DEFB125: variants seen among roughly 807,000 people sequenced by gnomAD.
The protein encoded by DEFB125 is beta-defensin 125.
A neutral mutation model predicts 11.8 loss-of-function variants in DEFB125; 11 were observed. The ratio of observed to expected loss-of-function variants is 0.94; its 90% CI spans 0.59 to 1.55. DEFB125 has a LOEUF of 1.55. Among genes scored for constraint, DEFB125 ranks in the 40% most tolerant of loss-of-function variants. DEFB125 has a pLI of 0.00. For missense variants in DEFB125, 198 were observed against 191.2 expected, an observed-to-expected ratio of 1.04 and a Z score of -0.21; for synonymous variants, 79 against 66.7, an observed-to-expected ratio of 1.18 and a Z score of -0.90.
chr20:93,015 G>A (rs2054502291), intron 1 of DEFB125, among the ~76,000 whole-genome samples: 1 of 146,952 alleles, frequency 6.8e-6, no homozygotes, highest in South Asian at 2.2e-4. Flanking sequence ...TTGTTGCCCA[G>A]GCTGGAATGC....
intron 1 of DEFB125, among the ~76,000 whole-genome samples, chr20:90,063 T>C (rs2054490789): frequency 6.6e-6 from 1 of 152,218 alleles, no homozygotes; most frequent in African/African-American, 2.4e-5. Context: ...TATTTTAAGT[T>C]GATGCTAGCT....
chr20:87,700 C>G lies in DEFB125; in HGVS notation c.-10C>G. The G allele has an allele frequency of 1.2e-6, 2 of 1,612,968 alleles. No homozygotes were observed. The highest frequency in any genetic ancestry group is 1.7e-6 in the Non-Finnish European group (2 of 1,179,100). Reference sequence around the variant, plus strand: ...CCTCAGGACACAGAGCTTCCTCTCTCCCAGGAGCCATGAATATCCTGATGC... The same window carrying G: ...CCTCAGGACACAGAGCTTCCTCTCTGCCAGGAGCCATGAATATCCTGATGC... On this transcript the variant is annotated 5_prime_UTR_variant, in exon 1 of 2. Coordinates refer to ENST00000382410, the MANE Select transcript of DEFB125 (RefSeq NM_153325.4).
At chr20:87,795 A>G (rs2054481478) in intron 1 of DEFB125, 28 bp downstream of exon 1, 1 of 1,610,060 alleles carries the variant, frequency 6.2e-7, no homozygotes, top group African/African-American at 1.3e-5. Flanking sequence ...AGCAGAGATG[A>G]TGACTAGGAT....
chr20:90,849 T>A (rs1170385329), intron 1 of DEFB125, among the ~76,000 whole-genome samples: 1 of 152,202 alleles, frequency 6.6e-6, no homozygotes, highest in East Asian at 1.9e-4. Context: ...CAGATACTGG[T>A]GTGACTAATT....
At chr20:89,857 T>C (rs2054490066) in intron 1 of DEFB125, among the ~76,000 whole-genome samples, 1 of 152,136 alleles carries the variant, frequency 6.6e-6, no homozygotes, top group African/African-American at 2.4e-5. Flanking sequence ...TTCTCTTTTA[T>C]TTTGGAGAGG....
intron 1 of DEFB125, among the ~76,000 whole-genome samples, chr20:93,875 T>A (rs562475294): frequency 3.3e-5 from 5 of 152,152 alleles, no homozygotes; most frequent in Non-Finnish European, 5.9e-5. Flanking sequence ...TTGAGCCTCA[T>A]GTAGAATAAC....
intron 1 of DEFB125, among the ~76,000 whole-genome samples, chr20:91,895 T>C (rs2054497416): frequency 1.3e-5 from 2 of 152,132 alleles, no homozygotes; most frequent in African/African-American, 4.8e-5. Flanking sequence ...TTGAAACTTA[T>C]AGAAAATTCC....
At chr20:90,146 T>A (rs954752944) in intron 1 of DEFB125, among the ~76,000 whole-genome samples, 12 of 152,182 alleles carry the variant, frequency 7.9e-5, no homozygotes, top group Admixed American at 6.5e-5. Flanking sequence ...GCTCCCCTAC[T>A]TAGAAACATA....
intron 1 of DEFB125, among the ~76,000 whole-genome samples, chr20:91,670 G>A (rs2054496578): frequency 6.6e-6 from 1 of 152,126 alleles, no homozygotes; most frequent in Admixed American, 6.5e-5. Context: ...TAATTTAAAA[G>A]CAGTAGGAAG....
rs1266131952 is a variant in DEFB125 at position 96,256 on chromosome 20, A to C, written c.310A>C (p.Thr104Pro). The C allele has an allele frequency of 6.2e-7, 1 of 1,614,184 alleles. No individual in the cohort carries two copies. Among genetic ancestry groups the C allele is most frequent in the East Asian group, 2.2e-5 (1 of 44,880 alleles). The change falls in exon 2 of 2, where the codon ACA becomes CCA. Residue 104 changes from threonine to proline, a missense_variant. Thr to Pro is a conservative substitution (Grantham distance 38, BLOSUM62 -1). Transcript: ENST00000382410. ...SMLNDLITFD[T>P]TKFGETMTPE... ...GTTGAATGATCTGATAACATTTGAC[A>C]CAACTAAATTTGGAGAAACCATGAC...
chr20:92,502 C>T (rs2054500062), intron 1 of DEFB125, among the ~76,000 whole-genome samples: 1 of 151,574 alleles, frequency 6.6e-6, no homozygotes, highest in Non-Finnish European at 1.5e-5. Context: ...AAGTGATTCT[C>T]CTGCCTCAGC....
At position 96,121 on chromosome 20, in the gene DEFB125, A is replaced by G. The variant is rs773518041; in HGVS notation, c.175A>G (p.Ile59Val). ...CRNKLSCCIS[I>V]ISHEYTRRPA... ...GAACAAGCTATCATGCTGCATTTCT[A>G]TAATATCACATGAATATACTCGACG... The change falls in exon 2 of 2, where the codon ATA becomes GTA. Residue 59 changes from isoleucine (I) to valine (V), a missense_variant. By Grantham distance (29) the Ile-to-Val change is conservative (BLOSUM62 3). Coordinates refer to ENST00000382410, the MANE Select transcript of DEFB125 (RefSeq NM_153325.4). 1.2e-6 allele frequency: 2 copies of G among 1,614,228 alleles called. No individual in the cohort carries two copies. The highest frequency in any genetic ancestry group is 1.1e-5 in the South Asian group (1 of 91,090).
At chr20:90,465 T>C (rs2054492238) in intron 1 of DEFB125, among the ~76,000 whole-genome samples, 1 of 152,220 alleles carries the variant, frequency 6.6e-6, no homozygotes, top group Non-Finnish European at 1.5e-5. Flanking sequence ...ACTCTGATTC[T>C]AGTCACCATC....
chr20:94,809 T>C (rs2054508889), intron 1 of DEFB125, among the ~76,000 whole-genome samples: 2 of 152,244 alleles, frequency 1.3e-5, no homozygotes, highest in Admixed American at 1.3e-4. Context: ...AGTCTACTTC[T>C]ATGAACTCAA....
rs962676578 is a variant in DEFB125 at position 96,933 on chromosome 20, G to A, written c.*516G>A. 3 of 153,510 alleles carry A rather than the reference G, an allele frequency of 2.0e-5. No individual in the cohort carries two copies. The highest frequency in any genetic ancestry group is 1.9e-4 in the Admixed American group (3 of 15,516). 9.5% of individuals were successfully genotyped at this position (153,510 alleles called of 1,614,324 possible). On this transcript the variant is annotated 3_prime_UTR_variant, in exon 2 of 2. Coordinates refer to ENST00000382410, the MANE Select transcript of DEFB125 (RefSeq NM_153325.4). ...GTTCTGACCCTAAATACTTTTCTGT[G>A]TCATGACGTCAAATTTTGTTTAAGG...
intron 1 of DEFB125, among the ~76,000 whole-genome samples, chr20:90,155 T>C (rs986048489): frequency 2.0e-5 from 3 of 152,180 alleles, no homozygotes; most frequent in Non-Finnish European, 4.4e-5. Context: ...CTTAGAAACA[T>C]ACAATTGCTA....
intron 1 of DEFB125, among the ~76,000 whole-genome samples, chr20:92,965 T>C (rs956896344): frequency 1.5e-5 from 2 of 130,380 alleles, no homozygotes; most frequent in African/African-American, 2.9e-5. Flanking sequence ...TCTCTCCTTT[T>C]CTGCTTTTTT....
chr20:87,706 A>G lies in DEFB125; in HGVS notation c.-4A>G. On this transcript the variant is annotated 5_prime_UTR_variant, in exon 1 of 2. Coordinates refer to ENST00000382410, the MANE Select transcript of DEFB125 (RefSeq NM_153325.4). The stretch of plus-strand genomic sequence containing the variant: ...GACACAGAGCTTCCTCTCTCCCAGG[A>G]GCCATGAATATCCTGATGCTGACCT... 1.2e-6 allele frequency: 2 copies of G among 1,613,078 alleles called. No individual in the cohort carries two copies. Among genetic ancestry groups the G allele is most frequent in the Non-Finnish European group, 1.7e-6 (2 of 1,179,172 alleles).
Position 96,017 on chromosome 20 carries a change from C to T in DEFB125, c.71C>T (p.Pro24Leu). ...LTRVTKGSFE[P>L]QKCWKNNVGH... is the part of the protein sequence containing the mutation. ...TTATTCTCTACAGGTAGCTTTGAAC[C>T]CCAAAAATGTTGGAAGAATAATGTA... The change falls in exon 2 of 2, where the codon CCC becomes CTC. Residue 24 changes from proline (P) to leucine (L), a missense_variant. Pro to Leu is a moderately conservative substitution (Grantham distance 98). Coordinates refer to ENST00000382410, the MANE Select transcript of DEFB125 (RefSeq NM_153325.4). 1 of 1,598,492 alleles carries T rather than the reference C, an allele frequency of 6.3e-7. No homozygotes were observed.
Sources: gnomAD v4.1 joint callset for allele counts (sites outside exome capture counted in the v4.1 genomes callset) on GRCh38, gnomAD v4.1.1 for gene constraint, MANE v1.5 for transcripts, NCBI Gene and HGNC (gene_info 2026-07-23, HGNC 2026-07-21) for gene names.